The following ANXA4 variants were observed in gnomAD, a reference collection of about 807,000 sequenced individuals.
The protein encoded by ANXA4 is annexin A4.
In ANXA4, 39 loss-of-function variants were observed where a neutral mutation model predicts 49.8. The observed-to-expected ratio is 0.78, with a 90% CI of 0.61 to 1.02. ANXA4 has a LOEUF of 1.02. ANXA4 is among the 50% of genes least tolerant of loss of function. ANXA4 has a pLI of 0.00. For synonymous variants in ANXA4, 134 were observed against 152.5 expected, an observed-to-expected ratio of 0.88 and a Z score of 0.89; for missense variants, 360 against 410.1, an observed-to-expected ratio of 0.88 and a Z score of 1.05.
intron 2 of ANXA4, among the ~76,000 whole-genome samples, chr2:69,671,305 C>T (rs914455417): frequency 6.6e-6 from 1 of 152,102 alleles, no homozygotes; most frequent in Non-Finnish European, 1.5e-5. Flanking sequence ...AAAATATCTG[C>T]AACTCTAGTA....
intron 2 of ANXA4, among the ~76,000 whole-genome samples, chr2:69,659,123 GA>G (rs534517641): frequency 8.0e-4 from 121 of 152,172 alleles, no homozygotes; most frequent in Non-Finnish European, 1.4e-3. Context: ...GTTACTTTGT[GA>G]AAAAAAGTCT....
intron 1 of ANXA4, among the ~76,000 whole-genome samples, chr2:69,749,035 A>G (rs760195372): frequency 1.3e-5 from 2 of 152,104 alleles, no homozygotes; most frequent in Non-Finnish European, 2.9e-5. Context: ...TTTAGAGGAA[A>G]GAGAGTTGAG....
At chr2:69,643,928 A>G (rs1176365543), upstream of ANXA4, 2 of 1,134,936 alleles carry the variant, frequency 1.8e-6, no homozygotes, top group African/African-American at 3.3e-5. Context: ...AGAGGGTCTC[A>G]GTGCAGACAG....
chr2:69,786,496 C>A (rs1437416142), intron 2 of ANXA4, among the ~76,000 whole-genome samples: 1 of 152,144 alleles, frequency 6.6e-6, no homozygotes, highest in Non-Finnish European at 1.5e-5. Context: ...CTGTCGGTGG[C>A]TTTCTACTGT....
At chr2:69,685,041 A>G (rs1162028055) in intron 2 of ANXA4, among the ~76,000 whole-genome samples, 1 of 152,208 alleles carries the variant, frequency 6.6e-6, no homozygotes, top group Non-Finnish European at 1.5e-5. Context: ...GGGGCATCAT[A>G]GAGAATAGGA....
chr2:69,655,998 G>T (rs1216508567), intron 2 of ANXA4, among the ~76,000 whole-genome samples: 8 of 151,762 alleles, frequency 5.3e-5, no homozygotes, highest in Non-Finnish European at 8.8e-5. Flanking sequence ...ACACAGGGAG[G>T]GGAACATCAC....
At chr2:69,733,923 T>C (rs2105451699) in intron 3 of ANXA4, among the ~76,000 whole-genome samples, 1 of 152,344 alleles carries the variant, frequency 6.6e-6, no homozygotes, top group African/African-American at 2.4e-5. Flanking sequence ...ACTCTATCCA[T>C]GCTTTGCATT....
At chr2:69,802,076 T>C (rs1163597965) in intron 3 of ANXA4, among the ~76,000 whole-genome samples, 1 of 152,192 alleles carries the variant, frequency 6.6e-6, no homozygotes, top group Non-Finnish European at 1.5e-5. Context: ...CTATTTACAA[T>C]AGTGAATGGG....
At chr2:69,711,998 G>A (rs2105408644) in intron 2 of ANXA4, among the ~76,000 whole-genome samples, 1 of 152,200 alleles carries the variant, frequency 6.6e-6, no homozygotes, top group African/African-American at 2.4e-5. Context: ...ATTTTTGTAT[G>A]TGTTGCCTAT....
chr2:69,819,469 G>C, intron 11 of ANXA4, 131 bp downstream of exon 11: 1 of 644,924 alleles, frequency 1.6e-6, no homozygotes, highest in Non-Finnish European at 2.7e-6. Flanking sequence ...ACTTCAGTGA[G>C]TGCCTGCTAA....
chr2:69,703,920 G>T (rs1392353699), intron 2 of ANXA4, among the ~76,000 whole-genome samples: 7 of 152,060 alleles, frequency 4.6e-5, no homozygotes, highest in Non-Finnish European at 7.3e-5. Context: ...GACTACAGGT[G>T]CGTGCCACCC....
At chr2:69,758,993 G>A (rs1430396174) in intron 1 of ANXA4, among the ~76,000 whole-genome samples, 1 of 151,976 alleles carries the variant, frequency 6.6e-6, no homozygotes, top group Non-Finnish European at 1.5e-5. Context: ...AAAATTAGTT[G>A]GGTATGGTGA....
intron 2 of ANXA4, among the ~76,000 whole-genome samples, chr2:69,676,243 A>C (rs1677410009): frequency 1.3e-5 from 2 of 152,106 alleles, no homozygotes; most frequent in Non-Finnish European, 2.9e-5. Context: ...TGAATAAAGG[A>C]ATTTCACCTT....
intron 2 of ANXA4, among the ~76,000 whole-genome samples, chr2:69,669,693 T>G (rs56019552): frequency 0.079 from 11,959 of 152,162 alleles, 590 homozygotes; most frequent in African/African-American, 0.13. Flanking sequence ...CCTTCTATAT[T>G]CTTTATTGCA....
intron 2 of ANXA4, among the ~76,000 whole-genome samples, chr2:69,693,830 G>T (rs1238397494): frequency 6.6e-6 from 1 of 152,122 alleles, no homozygotes; most frequent in African/African-American, 2.4e-5. Flanking sequence ...CTTGTTTAGA[G>T]TTAAGAATTT....
intron 1 of ANXA4, among the ~76,000 whole-genome samples, chr2:69,771,269 G>A (rs1346353057): frequency 6.6e-6 from 1 of 152,142 alleles, no homozygotes; most frequent in Admixed American, 6.6e-5. Flanking sequence ...CATCTTCACA[G>A]TGGGGAAATA....
At chr2:69,776,032 G>A (rs10205377) in intron 1 of ANXA4, among the ~76,000 whole-genome samples, 47,318 of 151,462 alleles carry the variant, frequency 0.31, 8,277 homozygotes, top group Admixed American at 0.47. Flanking sequence ...GGAGTGCAGT[G>A]GTGCAATCTT....
rs756828033 is a variant in ANXA4 at position 69,781,580 on chromosome 2, T to C, written c.9+6T>C. The C allele has an allele frequency of 4.3e-6, 7 of 1,613,894 alleles. No individual in the cohort carries two copies. Among genetic ancestry groups the C allele is most frequent in the Non-Finnish European group, 5.1e-6 (6 of 1,179,978 alleles). On this transcript the variant is annotated splice_donor_region_variant and intron_variant, in intron 2 of 12. Coordinates refer to ENST00000394295, the MANE Select transcript of ANXA4 (RefSeq NM_001153.5). ...GACCTAGAGTCATGGCCATGGTAAG[T>C]TGTGAAATACCTCAACCCTATCTGG...
At chr2:69,739,938 A>G (rs920930074), upstream of ANXA4, among the ~76,000 whole-genome samples, 2 of 152,102 alleles carry the variant, frequency 1.3e-5, no homozygotes, top group Non-Finnish European at 2.9e-5. Flanking sequence ...TTTCTGATGA[A>G]GTTTATCCTC....
Sources: allele counts gnomAD v4.1 joint callset (sites outside exome capture counted in the v4.1 genomes callset), GRCh38; gene constraint gnomAD v4.1.1; transcripts MANE v1.5; gene names NCBI Gene and HGNC (gene_info 2026-07-23, HGNC 2026-07-21).